The following AFF2 variants were observed in gnomAD, a reference collection of about 807,000 sequenced individuals.
AFF2 encodes the protein AF4/FMR2 family member 2.
A neutral mutation model predicts 76.9 loss-of-function variants in AFF2; 14 were observed. The observed-to-expected ratio is 0.18, with a 90% CI of 0.12 to 0.28. AFF2 has a LOEUF of 0.28. Ranked by LOEUF, AFF2 falls within the 10% of genes least tolerant of loss-of-function variation. The pLI, the probability that AFF2 is intolerant of heterozygous loss-of-function variation, is 1.00. For synonymous variants in AFF2, 398 were observed against 366.7 expected (o/e 1.09, Z -0.98); for missense variants, 868 against 1,001.1 (o/e 0.87, Z 1.79).
chrX:148,612,589 A>G (rs1371430143), intron 1 of AFF2, among the ~76,000 whole-genome samples: 1 of 112,228 alleles, frequency 8.9e-6, no homozygotes, highest in East Asian at 2.8e-4. Flanking sequence ...AGGAGACATG[A>G]TCACCAGACC....
At chrX:148,733,863 T>C (rs1257203709) in intron 3 of AFF2, among the ~76,000 whole-genome samples, 2 of 112,484 alleles carry the variant, frequency 1.8e-5, no homozygotes, top group African/African-American at 6.5e-5. Context: ...TAGCCAGTTA[T>C]GCAGTGTATG....
At chrX:148,850,537 C>T (rs1264920287) in intron 7 of AFF2, among the ~76,000 whole-genome samples, 3 of 112,141 alleles carry the variant, frequency 2.7e-5, no homozygotes, top group Middle Eastern at 4.2e-3. Context: ...CACACACACA[C>T]ACATGCATAC....
intron 1 of AFF2, among the ~76,000 whole-genome samples, chrX:148,502,014 C>T (rs1163898911): frequency 8.9e-6 from 1 of 111,914 alleles, no homozygotes; most frequent in African/African-American, 3.3e-5. Context: ...TGTTAACTCT[C>T]TTAGAGATGT....
chrX:148,704,552 A>G (rs1037363246), intron 3 of AFF2, among the ~76,000 whole-genome samples: 1 of 101,661 alleles, frequency 9.8e-6, no homozygotes, highest in African/African-American at 3.6e-5. Context: ...TTTGAGACAT[A>G]GTCTTGCTCT....
chrX:148,706,678 A>G (rs1446042340), intron 3 of AFF2, among the ~76,000 whole-genome samples: 1 of 112,560 alleles, frequency 8.9e-6, no homozygotes, highest in Non-Finnish European at 1.9e-5. Flanking sequence ...AAAATGAAAG[A>G]GAGATCACTT....
chrX:148,799,584 C>T (rs974927341), intron 3 of AFF2, among the ~76,000 whole-genome samples: 28 of 112,131 alleles, frequency 2.5e-4, no homozygotes, highest in Non-Finnish European at 3.9e-4. Flanking sequence ...TCAAGAAACA[C>T]ATTTCACAGC....
intron 9 of AFF2, among the ~76,000 whole-genome samples, chrX:148,905,477 G>A (rs1466061700): frequency 8.9e-6 from 1 of 112,533 alleles, no homozygotes; most frequent in Non-Finnish European, 1.9e-5. Context: ...CTCCTCCACT[G>A]TGAGCCTGTG....
intron 3 of AFF2, among the ~76,000 whole-genome samples, chrX:148,681,657 A>C (rs782244172): frequency 3.7e-5 from 4 of 108,976 alleles, no homozygotes; most frequent in African/African-American, 1.3e-4. Flanking sequence ...AAAGAGAAAG[A>C]AAGAAAGAGA....
At chrX:148,812,504 T>C (rs1397662172) in intron 4 of AFF2, among the ~76,000 whole-genome samples, 7 of 111,233 alleles carry the variant, frequency 6.3e-5, no homozygotes, top group Non-Finnish European at 1.1e-4. Flanking sequence ...CGCTAGTTAT[T>C]ACCCCGCCCA....
intron 3 of AFF2, among the ~76,000 whole-genome samples, chrX:148,774,557 CTGTG>C (rs1557268388): frequency 9.0e-6 from 1 of 111,381 alleles, no homozygotes; most frequent in Non-Finnish European, 1.9e-5. Flanking sequence ...ATCAGCCTCT[CTGTG>C]TGTTTCCCCG....
At chrX:148,759,258 A>G (rs1219524302) in intron 3 of AFF2, among the ~76,000 whole-genome samples, 1 of 112,203 alleles carries the variant, frequency 8.9e-6, no homozygotes, top group East Asian at 2.8e-4. Flanking sequence ...AGAAAGCTGC[A>G]TTTCTGTGGG....
chrX:148,661,468 T>A (rs1557257691), intron 2 of AFF2, among the ~76,000 whole-genome samples: 1 of 112,177 alleles, frequency 8.9e-6, no homozygotes, highest in Admixed American at 9.4e-5. Flanking sequence ...TTTCATGGTA[T>A]AATGTGGTGC....
intron 1 of AFF2, among the ~76,000 whole-genome samples, chrX:148,562,693 G>A (rs1335896879): frequency 8.9e-6 from 1 of 111,836 alleles, no homozygotes; most frequent in African/African-American, 3.3e-5. Context: ...TGATTTCATT[G>A]TTATTCCCAA....
At chrX:148,793,178 C>T (rs1408815140) in intron 3 of AFF2, among the ~76,000 whole-genome samples, 2 of 94,682 alleles carry the variant, frequency 2.1e-5, no homozygotes, top group Non-Finnish European at 4.0e-5. Context: ...AGCTGCAGCC[C>T]TTTGCCTAAC....
At position 148,998,494 on chromosome X, in the gene AFF2, T is replaced by C. The variant is rs2072634368; in HGVS notation, c.*7162T>C. On this transcript the variant is annotated 3_prime_UTR_variant, in exon 21 of 21. Transcript: ENST00000370460. ...ATAACTGCATTATTACATGGCAGTATAAATATTAGTCTGTTGAATTCATTT... is the reference window on the plus strand; with the variant it reads ...ATAACTGCATTATTACATGGCAGTACAAATATTAGTCTGTTGAATTCATTT... 8.9e-6 allele frequency: 1 copy of C among 112,646 alleles called. No homozygotes were observed. The highest frequency in any genetic ancestry group is 3.7e-4 in the South Asian group (1 of 2,695). 9.3% of individuals were successfully genotyped at this position (112,646 alleles called of 1,213,427 possible).
chrX:148,747,156 T>C (rs1557266134), intron 3 of AFF2, among the ~76,000 whole-genome samples: 1 of 111,725 alleles, frequency 9.0e-6, no homozygotes, highest in Non-Finnish European at 1.9e-5. Context: ...CATGAACTCC[T>C]ATTCACCCTT....
chrX:148,734,380 C>G (rs1347465894), intron 3 of AFF2, among the ~76,000 whole-genome samples: 2 of 111,778 alleles, frequency 1.8e-5, no homozygotes, highest in African/African-American at 6.5e-5. Flanking sequence ...CCCAACAATA[C>G]TATGAACAAT....
chrX:148,971,054 C>T, intron 15 of AFF2, among the ~76,000 whole-genome samples: 1 of 110,539 alleles, frequency 9.0e-6, no homozygotes. Context: ...CATATGATAC[C>T]CTGCCTGCAT....
intron 3 of AFF2, among the ~76,000 whole-genome samples, chrX:148,738,176 A>G (rs2055307969): frequency 9.0e-6 from 1 of 111,235 alleles, no homozygotes; most frequent in African/African-American, 3.3e-5. Flanking sequence ...CTTGTGGAAT[A>G]GTGTCAAAAT....
Sources: gnomAD v4.1 joint callset for allele counts (sites outside exome capture counted in the v4.1 genomes callset) on GRCh38, gnomAD v4.1.1 for gene constraint, MANE v1.5 for transcripts, NCBI Gene and HGNC (gene_info 2026-07-23, HGNC 2026-07-21) for gene names.